WDR3: variants seen among roughly 807,000 people sequenced by gnomAD.
WDR3 encodes WD repeat-containing protein 3.
A neutral mutation model predicts 123.7 loss-of-function variants in WDR3; 81 were observed. The observed-to-expected ratio is 0.65, with a 90% CI of 0.55 to 0.79. The LOEUF is 0.79. Ranked by LOEUF, WDR3 falls within the 30% of genes least tolerant of loss-of-function variation. The probability of loss-of-function intolerance (pLI) is 0.00; values close to 1 mark genes in which losing one functional copy is unlikely to be tolerated. For synonymous variants in WDR3, 390 were observed against 388.8 expected (o/e 1.00, Z -0.04); for missense variants, 1,027 against 1,123.2 (o/e 0.91, Z 1.22).
At chr1:117,936,674 A>G in intron 3 of WDR3, 95 bp from the exon 4 acceptor site, 2 of 956,950 alleles carry the variant, frequency 2.1e-6, no homozygotes, top group East Asian at 2.5e-5. Context: ...AGGACTGTGT[A>G]TTGCCTTTTT....
chr1:117,954,829 T>C (rs898587889), intron 23 of WDR3, among the ~76,000 whole-genome samples: 2 of 152,090 alleles, frequency 1.3e-5, no homozygotes, highest in African/African-American at 2.4e-5. Context: ...GCCAGCCTTT[T>C]TGGTTGGACT....
At chr1:117,941,958 A>T (rs764419438) in intron 9 of WDR3, 111 bp downstream of exon 9, 3 of 1,430,576 alleles carry the variant, frequency 2.1e-6, no homozygotes, top group African/African-American at 1.5e-5. Context: ...TACCATTAAA[A>T]GTTAAAGAAC....
chr1:117,948,592 GTTTT>G, intron 13 of WDR3, 86 bp downstream of exon 13: 8 of 570,018 alleles, frequency 1.4e-5, no homozygotes, highest in South Asian at 9.8e-5. Context: ...AAAGCCTGAG[GTTTT>G]TTTTTTTTTT....
Position 117,963,813 on chromosome 1 carries a change from C to T in WDR3, c.*4366C>T. 1 of 1,612,614 alleles carries T rather than the reference C, an allele frequency of 6.2e-7. No homozygotes were observed. The highest frequency in any genetic ancestry group is 8.5e-7 in the Non-Finnish European group (1 of 1,179,242). ...ACTTACTGTACCTAATGTGGAGAAA[C>T]TTTACGAGACATGAAGACTCCAAGT... On this transcript the variant is annotated 3_prime_UTR_variant, in exon 27 of 27. Transcript: ENST00000349139.
chr1:117,934,637 C>T lies in WDR3; in HGVS notation c.336C>T (p.Thr112=), dbSNP rs1439420034. The T allele has an allele frequency of 6.2e-7, 1 of 1,613,924 alleles. No individual in the cohort carries two copies. Among genetic ancestry groups the T allele is most frequent in the Non-Finnish European group, 8.5e-7 (1 of 1,179,974 alleles). Residue 112 remains threonine (T), a synonymous_variant, in exon 3 of 27, where the codon ACC becomes ACT. Coordinates refer to ENST00000349139, the MANE Select transcript of WDR3 (RefSeq NM_006784.3). ...ATGGTCACAAAGCAGCTATCACTAC[C>T]TTGAAGTATGATCAGCTAGGAGGCA... is the stretch of plus-strand genomic sequence containing the variant. ...TFNGHKAAIT[T]LKYDQLGGRL...
At chr1:117,958,853 G>C (rs968486000) in intron 25 of WDR3, 57 bp from the exon 26 acceptor site, 2 of 1,300,924 alleles carry the variant, frequency 1.5e-6, no homozygotes, top group Non-Finnish European at 2.2e-6. Context: ...GTTTCTAGAA[G>C]GGTTAAGTAG....
Position 117,952,934 on chromosome 1 carries a change from A to G in WDR3, c.2152-12A>G. 6.2e-7 allele frequency: 1 copy of G among 1,612,868 alleles called. No homozygotes were observed. The highest frequency in any genetic ancestry group is 8.5e-7 in the Non-Finnish European group (1 of 1,179,238). ...TTTTCTCTCAAATTAATGTATATCT[A>G]TCTCATGGCAGGAAAGAGAAGCAGA... is the stretch of plus-strand genomic sequence containing the variant. On this transcript the variant is annotated splice_polypyrimidine_tract_variant and intron_variant, in intron 19 of 26. Transcript: ENST00000349139.
Position 117,964,080 on chromosome 1 carries a change from G to T in WDR3, c.*4633G>T. ...TAACTGTCTATCCAATGCAAATTCT[G>T]CATGCTCAGGCTTGGGGGTTAGAGG... On this transcript the variant is annotated 3_prime_UTR_variant, in exon 27 of 27. Coordinates refer to ENST00000349139, the MANE Select transcript of WDR3 (RefSeq NM_006784.3). 1.2e-6 allele frequency: 1 copy of T among 861,356 alleles called. No homozygotes were observed. Among genetic ancestry groups the T allele is most frequent in the Non-Finnish European group, 1.8e-6 (1 of 564,162 alleles). The allele number at this position is 861,356 out of a possible 1,614,324, so 53.4% of individuals were successfully genotyped here.
intron 3 of WDR3, 91 bp from the exon 4 acceptor site, chr1:117,936,678 C>T: frequency 9.8e-7 from 1 of 1,017,600 alleles, no homozygotes; most frequent in Non-Finnish European, 1.5e-6. Flanking sequence ...CTGTGTATTG[C>T]CTTTTTAATA....
chr1:117,938,828 A>T (rs1651038022), intron 5 of WDR3, among the ~76,000 whole-genome samples: 1 of 152,156 alleles, frequency 6.6e-6, no homozygotes, highest in Admixed American at 6.5e-5. Flanking sequence ...ACTTTTATGA[A>T]TGTAGGGAAG....
intron 21 of WDR3, 123 bp from the exon 22 acceptor site, chr1:117,953,884 C>A: frequency 1.3e-6 from 1 of 794,944 alleles, no homozygotes; most frequent in South Asian, 1.9e-5. Context: ...TCTATTCGCA[C>A]GTCTTTATTA....
intron 1 of WDR3, among the ~76,000 whole-genome samples, chr1:117,930,308 A>G (rs1365207560): frequency 1.3e-5 from 2 of 152,228 alleles, no homozygotes; most frequent in South Asian, 2.1e-4. Context: ...TATCGAGGCG[A>G]TGAAAAAAGG....
chr1:117,942,380 G>C, intron 9 of WDR3, 57 bp from the exon 10 acceptor site: 2 of 1,506,640 alleles, frequency 1.3e-6, no homozygotes, highest in Non-Finnish European at 1.8e-6. Flanking sequence ...ACTCAAGTAA[G>C]AGCAAAGCTG....
chr1:117,941,845 A>G lies in WDR3; in HGVS notation c.987A>G (p.Ala329=), dbSNP rs753864403. The G allele has an allele frequency of 1.2e-5, 20 of 1,607,268 alleles. No homozygotes were observed. The highest frequency in any genetic ancestry group is 1.4e-5 in the Non-Finnish European group (16 of 1,178,172). Residue 329 remains alanine (A), a splice_region_variant and synonymous_variant, in exon 9 of 27, where the codon GCA becomes GCG. Transcript: ENST00000349139. ...AGATGAAGAAAGCTAGAAAGAAAGC[A>G]AAGTATGTTTTCTTAATACTTACAT... ...DKKMKKARKK[A]KLHSSKGEEE... is the part of the protein sequence containing the mutation.
intron 11 of WDR3, 46 bp downstream of exon 11, chr1:117,943,672 T>A (rs1651265640): frequency 1.3e-6 from 2 of 1,562,480 alleles, no homozygotes; most frequent in Non-Finnish European, 1.7e-6. Context: ...TAGTATTTCT[T>A]TTAATTTTTT....
Position 117,952,094 on chromosome 1 carries a change from A to C in WDR3, c.1904+18A>C. The C allele has an allele frequency of 5.0e-6, 8 of 1,607,376 alleles. No homozygotes were observed. The highest frequency in any genetic ancestry group is 5.9e-6 in the Non-Finnish European group (7 of 1,176,674). On this transcript the variant is annotated intron_variant, in intron 17 of 26. Transcript: ENST00000349139. Reference sequence around the variant, plus strand: ...GATGACAGGTATGTATAGTCTTTTCAAATGTCTCCCTTTGAGTCACCTGTA... The same window carrying C: ...GATGACAGGTATGTATAGTCTTTTCCAATGTCTCCCTTTGAGTCACCTGTA...
chr1:117,949,247 T>C (rs1414998302), intron 13 of WDR3, among the ~76,000 whole-genome samples: 2 of 152,262 alleles, frequency 1.3e-5, no homozygotes, highest in Middle Eastern at 3.4e-3. Context: ...AAAGGTTGTT[T>C]CCTGTGTTAT....
rs182699881 is a variant in WDR3, at chr1:117,930,820, T to A, written c.-33+1038T>A. 5.9e-5 allele frequency among the ~76,000 whole-genome samples: 9 copies of A among 152,336 alleles called. No individual in the cohort carries two copies. In the East Asian group the frequency reaches 1.7e-3, roughly 29 times the overall value. On this transcript the variant is annotated intron_variant, in intron 1 of 26. Coordinates refer to ENST00000349139, the MANE Select transcript of WDR3 (RefSeq NM_006784.3). ...AATTTTGGAGTTAGACTGGCTGGAT[T>A]GGGATCTGGCTTTGGCAATTAGCTG...
intron 25 of WDR3, 138 bp downstream of exon 25, chr1:117,957,334 T>C: frequency 8.8e-7 from 1 of 1,131,802 alleles, no homozygotes; most frequent in East Asian, 2.7e-5. Context: ...CCCAGCACTT[T>C]GGGAGGCTGA....
Sources: allele counts gnomAD v4.1 joint callset (sites outside exome capture counted in the v4.1 genomes callset), GRCh38; gene constraint gnomAD v4.1.1; transcripts MANE v1.5; gene names NCBI Gene and HGNC (gene_info 2026-07-23, HGNC 2026-07-21).